SVEP1: variants seen among roughly 807,000 people sequenced by gnomAD.
SVEP1 encodes the protein sushi, von Willebrand factor type A, EGF and pentraxin domain-containing protein 1.
Under a neutral mutation model 367.3 loss-of-function variants are expected in SVEP1, and 164 were observed. The ratio of observed to expected loss-of-function variants is 0.45; its 90% CI spans 0.39 to 0.51. The LOEUF (loss-of-function observed/expected upper bound fraction) is 0.51, where lower values mean the gene tolerates loss of function less well. Ranked by LOEUF, SVEP1 falls within the 20% of genes least tolerant of loss-of-function variation. The probability of loss-of-function intolerance (pLI) is 0.00; values close to 1 mark genes in which losing one functional copy is unlikely to be tolerated. For synonymous variants in SVEP1, 1,666 were observed against 1,611.6 expected, an observed-to-expected ratio of 1.03 and a Z score of -0.81; for missense variants, 4,117 against 4,425.3, an observed-to-expected ratio of 0.93 and a Z score of 1.98.
At chr9:110,436,080 T>C (rs1564142349) in intron 28 of SVEP1, among the ~76,000 whole-genome samples, 1 of 152,048 alleles carries the variant, frequency 6.6e-6, no homozygotes, top group South Asian at 2.1e-4. Flanking sequence ...CTTTATGATT[T>C]TCTCCTGCTT....
intron 37 of SVEP1, among the ~76,000 whole-genome samples, 169 bp downstream of exon 37, chr9:110,410,894 G>A (rs1414438082): frequency 1.3e-5 from 2 of 152,160 alleles, no homozygotes; most frequent in African/African-American, 4.8e-5. Context: ...AATTAATTAT[G>A]AAAATGTTAA....
chr9:110,391,579 G>A (rs1827656335), intron 40 of SVEP1, among the ~76,000 whole-genome samples: 1 of 151,978 alleles, frequency 6.6e-6, no homozygotes, highest in Non-Finnish European at 1.5e-5. Context: ...GCCTTGATGT[G>A]TCATTACATT....
chr9:110,562,990 T>C (rs2118872411), intron 1 of SVEP1, among the ~76,000 whole-genome samples: 1 of 152,278 alleles, frequency 6.6e-6, no homozygotes, highest in Non-Finnish European at 1.5e-5. Context: ...GTTTAGCTGT[T>C]GTAACAAGGC....
At chr9:110,443,826 G>T in intron 26 of SVEP1, 106 bp from the exon 27 acceptor site, 1 of 965,022 alleles carries the variant, frequency 1.0e-6, no homozygotes, top group Non-Finnish European at 1.4e-6. Flanking sequence ...TGTGGGTAAA[G>T]TACTTTGTGT....
At chr9:110,493,729 TCAAA>T (rs894449782) in intron 8 of SVEP1, among the ~76,000 whole-genome samples, 4 of 152,216 alleles carry the variant, frequency 2.6e-5, no homozygotes, top group East Asian at 1.9e-4. Flanking sequence ...AGACTCTGTC[TCAAA>T]CAAACAAACA....
rs187711082 is a variant in SVEP1 at position 110,538,795 on chromosome 9, A to G, written c.964+7320T>C. Among the ~76,000 whole-genome samples the G allele has an allele frequency of 9.1e-4, 139 of 152,132 alleles. 1 individual carries two copies. Among genetic ancestry groups the G allele is most frequent in the African/African-American group, 3.0e-3 (125 of 41,558 alleles). On this transcript the variant is annotated intron_variant, in intron 3 of 47. Coordinates refer to ENST00000374469, the MANE Select transcript of SVEP1 (RefSeq NM_153366.4). ...TGTCTCTATACTTTGTGTCTCTCAAATCCCTCCGGGGAAATTCAGAACAGC... is the reference window on the plus strand; with the variant it reads ...TGTCTCTATACTTTGTGTCTCTCAAGTCCCTCCGGGGAAATTCAGAACAGC...
intron 43 of SVEP1, among the ~76,000 whole-genome samples, chr9:110,381,536 T>C (rs555950456): frequency 6.6e-6 from 1 of 152,364 alleles, no homozygotes; most frequent in Non-Finnish European, 1.5e-5. Flanking sequence ...TAATTTTTGA[T>C]TGAGCTGTGG....
At chr9:110,391,677 T>G (rs778650072) in intron 40 of SVEP1, among the ~76,000 whole-genome samples, 1 of 152,198 alleles carries the variant, frequency 6.6e-6, no homozygotes, top group African/African-American at 2.4e-5. Flanking sequence ...TAATAGTGAT[T>G]GCTCTCACTC....
intron 24 of SVEP1, 122 bp downstream of exon 24, chr9:110,449,937 C>T: frequency 8.7e-7 from 1 of 1,152,362 alleles, no homozygotes; most frequent in Non-Finnish European, 1.3e-6. Context: ...TGTAGCCTAT[C>T]CTCGGGCCAG....
chr9:110,389,286 C>T (rs919696445), intron 41 of SVEP1, among the ~76,000 whole-genome samples: 1 of 152,122 alleles, frequency 6.6e-6, no homozygotes, highest in Admixed American at 6.5e-5. Context: ...AACTGTTTGC[C>T]ATTCCAGAGT....
rs921660077 is a variant in SVEP1 at position 110,572,625 on chromosome 9, G to T, written c.531+6388C>A. 5.9e-5 allele frequency among the ~76,000 whole-genome samples: 9 copies of T among 152,098 alleles called. No individual in the cohort carries two copies. The South Asian group carries it at 1.9e-3, about 32-fold the overall frequency. On this transcript the variant is annotated intron_variant, in intron 1 of 47. Coordinates refer to ENST00000374469, the MANE Select transcript of SVEP1 (RefSeq NM_153366.4). ...ACCTGTAATCCCAGCACTTTGGGAG[G>T]TCGAGGTGGGCTGGTCACTTGAGCC...
chr9:110,513,667 C>G (rs1829757133), intron 4 of SVEP1, among the ~76,000 whole-genome samples: 1 of 152,002 alleles, frequency 6.6e-6, no homozygotes, highest in Non-Finnish European at 1.5e-5. Context: ...TGTGGCTTTT[C>G]TTTTTTTGAT....
chr9:110,546,047 G>C, intron 3 of SVEP1, 68 bp downstream of exon 3: 1 of 1,508,908 alleles, frequency 6.6e-7, no homozygotes, highest in Non-Finnish European at 9.0e-7. Flanking sequence ...ATTCCTTATA[G>C]CCATTGCATT....
intron 9 of SVEP1, among the ~76,000 whole-genome samples, chr9:110,486,637 TTC>T (rs1187661748): frequency 3.5e-5 from 5 of 141,792 alleles, no homozygotes; most frequent in African/African-American, 5.4e-5. Flanking sequence ...TTCCTTCTCT[TTC>T]TCTCTCTCTC....
At chr9:110,504,910 G>A (rs1304471737) in intron 5 of SVEP1, among the ~76,000 whole-genome samples, 4 of 152,162 alleles carry the variant, frequency 2.6e-5, no homozygotes, top group Non-Finnish European at 4.4e-5. Context: ...GGTAGAGCAT[G>A]TTATCTAGGA....
chr9:110,498,779 G>C lies in SVEP1; in HGVS notation c.1681+262C>G, dbSNP rs150090790. 1.4e-3 allele frequency among the ~76,000 whole-genome samples: 216 copies of C among 152,128 alleles called. 1 individual carries two copies. Among genetic ancestry groups the C allele is most frequent in the African/African-American group, 5.2e-3 (214 of 41,530 alleles). On this transcript the variant is annotated intron_variant, in intron 7 of 47. Transcript: ENST00000374469. ...GACCAAGACTTCCCTAAAGATTTTA[G>C]TCTTATGGAAAACTTACCTGATTTT... is the stretch of plus-strand genomic sequence containing the variant.
chr9:110,414,127 C>A (rs967354807), intron 36 of SVEP1, among the ~76,000 whole-genome samples: 1 of 151,966 alleles, frequency 6.6e-6, no homozygotes, highest in Non-Finnish European at 1.5e-5. Flanking sequence ...GTGTCCTGGG[C>A]AAACTGTATT....
chr9:110,432,440 T>C, intron 31 of SVEP1, 22 bp downstream of exon 31: 1 of 1,602,756 alleles, frequency 6.2e-7, no homozygotes, highest in Non-Finnish European at 8.5e-7. Context: ...TCTCATATAG[T>C]AGTTGCCAAC....
In SVEP1 at chr9:110,446,909, A is replaced by G; in HGVS notation, c.4252T>C (p.Cys1418Arg). The G allele has an allele frequency of 6.5e-6, 10 of 1,535,198 alleles. No individual in the cohort carries two copies. The highest frequency in any genetic ancestry group is 7.9e-6 in the Non-Finnish European group (9 of 1,140,692). The change falls in exon 25 of 48, where the codon TGT becomes CGT. Residue 1418 changes from cysteine (C) to arginine (R), a missense_variant. Cys to Arg is a radical substitution (Grantham distance 180). This residue lies in a region of SVEP1 where 2,174 missense variants were observed against 2,494.3 expected (regional missense o/e 0.87). Coordinates refer to ENST00000374469, the MANE Select transcript of SVEP1 (RefSeq NM_153366.4). ...CTGAGTTGATACATACCTGTTTCAC[A>G]CCTTTTGCCTGAAAATCCTGGCTGA... ...KCQPGFSGKR[C>R]ETEQSTGFNL... is the part of the protein sequence containing the mutation.
Sources: allele counts gnomAD v4.1 joint callset (sites outside exome capture counted in the v4.1 genomes callset), GRCh38; gene constraint gnomAD v4.1.1; regional missense constraint gnomAD v4.1.1; transcripts MANE v1.5; gene names NCBI Gene and HGNC (gene_info 2026-07-23, HGNC 2026-07-21).